CFAP44: variants seen among roughly 807,000 people sequenced by gnomAD.
CFAP44 encodes cilia and flagella associated protein 44.
CFAP44 carries 134 observed loss-of-function variants against 216.2 expected under a neutral mutation model. The observed-to-expected ratio is 0.62, with a 90% confidence interval of 0.54 to 0.72. CFAP44 has a LOEUF of 0.72. Among genes scored for constraint, CFAP44 ranks in the 30% least tolerant of loss-of-function variants. The pLI, the probability that CFAP44 is intolerant of heterozygous loss-of-function variation, is 0.00. For missense variants in CFAP44, 2,035 were observed against 2,182.1 expected (o/e 0.93, Z 1.34); for synonymous variants, 700 against 727.6 (o/e 0.96, Z 0.61).
chr3:113,381,025 G>A lies in CFAP44; in HGVS notation c.1926C>T (p.Gly642=), dbSNP rs1401516779. Reference sequence around the variant, plus strand: ...TTGGAAGTGGAGCTTCAAGAATATAGCCATTTTCACAGATAATTAGTAAAG... The same window carrying A: ...TTGGAAGTGGAGCTTCAAGAATATAACCATTTTCACAGATAATTAGTAAAG... ...ESTLLIICEN[G]YILEAPLPTI... is the part of the protein sequence containing the mutation. Residue 642 remains glycine, a synonymous_variant, in exon 16 of 35, where the codon GGC becomes GGT. Transcript: ENST00000393845. The A allele has an allele frequency of 1.3e-6, 2 of 1,591,442 alleles. No homozygotes were observed. The highest frequency in any genetic ancestry group is 2.7e-5 in the African/African-American group (2 of 74,160).
chr3:113,303,274 A>G (rs1949955587), intron 32 of CFAP44, among the ~76,000 whole-genome samples: 2 of 152,224 alleles, frequency 1.3e-5, no homozygotes, highest in Non-Finnish European at 2.9e-5. Flanking sequence ...GATGTGTACA[A>G]GAAGGTTTCC....
chr3:113,418,311 T>A (rs1479188188), intron 5 of CFAP44, among the ~76,000 whole-genome samples: 1 of 152,124 alleles, frequency 6.6e-6, no homozygotes, highest in Non-Finnish European at 1.5e-5. Context: ...TGTCTTGAAC[T>A]CCTGGCCTCA....
At position 113,363,296 on chromosome 3, in the gene CFAP44, G is replaced by A. The variant is rs1950558791; in HGVS notation, c.2783C>T (p.Ala928Val). The A allele has an allele frequency of 6.2e-7, 1 of 1,605,188 alleles. No homozygotes were observed. The highest frequency in any genetic ancestry group is 1.3e-5 in the African/African-American group (1 of 74,318). ...EDPKAYSIEN[A>V]RRKREHDKLM... ...CTTGTCATGTTCTCTTTTTCTCCTA[G>A]CATTCTCGATACTGAAAACAGAAAT... The change falls in exon 21 of 35, where the codon GCT (alanine) becomes GTT (valine). Residue 928 changes from alanine to valine, a missense_variant. By Grantham distance (64) the Ala-to-Val change is moderately conservative (BLOSUM62 0). This residue lies in a region of CFAP44 where 1,883 missense variants were observed against 2,023.7 expected (regional missense o/e 0.93). Transcript: ENST00000393845.
intron 15 of CFAP44, among the ~76,000 whole-genome samples, chr3:113,393,944 G>A (rs1012121975): frequency 1.5e-4 from 23 of 152,250 alleles, no homozygotes; most frequent in Admixed American, 1.2e-3. Flanking sequence ...CATGCTTCTC[G>A]TATAGCCTGC....
chr3:113,398,039 A>C (rs1934037547), intron 13 of CFAP44, among the ~76,000 whole-genome samples: 1 of 152,192 alleles, frequency 6.6e-6, no homozygotes, highest in African/African-American at 2.4e-5. Flanking sequence ...CTCAGTGACC[A>C]TCAGTTATGA....
At chr3:113,318,136 T>G (rs917094885) in intron 28 of CFAP44, among the ~76,000 whole-genome samples, 1 of 152,154 alleles carries the variant, frequency 6.6e-6, no homozygotes, top group South Asian at 2.1e-4. Context: ...ATTCAGGAGA[T>G]AGTTGAAACC....
At chr3:113,412,046 C>T (rs953595308) in intron 6 of CFAP44, among the ~76,000 whole-genome samples, 4 of 152,174 alleles carry the variant, frequency 2.6e-5, no homozygotes, top group African/African-American at 9.7e-5. Flanking sequence ...GACAAACCCA[C>T]AGCCAATATC....
chr3:113,316,255 A>C (rs1358588360), intron 28 of CFAP44, among the ~76,000 whole-genome samples: 1 of 152,216 alleles, frequency 6.6e-6, no homozygotes, highest in Non-Finnish European at 1.5e-5. Flanking sequence ...CCAGAGTGAA[A>C]ATTAAAAATC....
At chr3:113,364,506 A>G (rs1950570127) in intron 19 of CFAP44, among the ~76,000 whole-genome samples, 2 of 152,184 alleles carry the variant, frequency 1.3e-5, no homozygotes, top group African/African-American at 2.4e-5. Flanking sequence ...CTGACTATTA[A>G]TCACTTAGGA....
intron 9 of CFAP44, among the ~76,000 whole-genome samples, chr3:113,402,157 T>C (rs1183140578): frequency 3.3e-5 from 5 of 152,242 alleles, no homozygotes; most frequent in Admixed American, 2.0e-4. Flanking sequence ...TATACCTTCT[T>C]GCTTAATGAC....
At chr3:113,388,153 C>A (rs999425066) in intron 15 of CFAP44, among the ~76,000 whole-genome samples, 22 of 152,126 alleles carry the variant, frequency 1.4e-4, no homozygotes, top group African/African-American at 4.8e-4. Flanking sequence ...GGCTTCACCA[C>A]CTGCTGACTG....
chr3:113,372,157 G>T (rs993232625), intron 18 of CFAP44, among the ~76,000 whole-genome samples: 2 of 152,186 alleles, frequency 1.3e-5, no homozygotes, highest in African/African-American at 2.4e-5. Flanking sequence ...CAACCATTGT[G>T]GAAGACAGTG....
At chr3:113,430,020 A>G (rs1028911178) in intron 2 of CFAP44, among the ~76,000 whole-genome samples, 2 of 152,138 alleles carry the variant, frequency 1.3e-5, no homozygotes, top group Admixed American at 1.3e-4. Flanking sequence ...AATACAGGAT[A>G]CACATTCAAG....
chr3:113,426,585 G>T, intron 3 of CFAP44: 1 of 265,248 alleles, frequency 3.8e-6, no homozygotes, highest in Non-Finnish European at 7.3e-6. Context: ...GGCCTCCCCA[G>T]CCATGCAGAA....
rs1289230238 is a variant in CFAP44 at position 113,308,218 on chromosome 3, T to C, written c.4567A>G (p.Ser1523Gly). 1 of 1,536,518 alleles carries C rather than the reference T, an allele frequency of 6.5e-7. No homozygotes were observed. Among genetic ancestry groups the C allele is most frequent in the Non-Finnish European group, 8.7e-7 (1 of 1,146,744 alleles). The change falls in exon 29 of 35, where the codon AGT becomes GGT. Residue 1523 changes from serine to glycine, a missense_variant. By Grantham distance (56) the Ser-to-Gly change is moderately conservative. Transcript: ENST00000393845. ...ESSEEESSLE[S>G]DEDESESEDE... ...TCTGATTCAGACTCATCTTCATCAC[T>C]CTCCAAGCTAGATTCTTCTTCACTT...
At chr3:113,421,955 C>T (rs895962104) in intron 4 of CFAP44, among the ~76,000 whole-genome samples, 10 of 152,080 alleles carry the variant, frequency 6.6e-5, no homozygotes, top group African/African-American at 1.9e-4. Flanking sequence ...ATCCTTAAAA[C>T]AAACCTGCAT....
Position 113,433,626 on chromosome 3 carries a change from T to C in CFAP44, c.39A>G (p.Lys13=). The C allele has an allele frequency of 6.2e-7, 1 of 1,613,464 alleles. No homozygotes were observed. Among genetic ancestry groups the C allele is most frequent in the Non-Finnish European group, 8.5e-7 (1 of 1,179,902 alleles). ...EPDDQDTDGE[K]SVTSKSDGKK... ...TCCCATCACTCTTTGATGTAACTGATTTCTCCCCATCAGTATCCTGATCAT... is the reference window on the plus strand; with the variant it reads ...TCCCATCACTCTTTGATGTAACTGACTTCTCCCCATCAGTATCCTGATCAT... Residue 13 remains lysine, a synonymous_variant, in exon 2 of 35, where the codon AAA becomes AAG. Coordinates refer to ENST00000393845, the MANE Select transcript of CFAP44 (RefSeq NM_001164496.2).
chr3:113,324,042 C>CAAAAAAAAAAAA lies in CFAP44; in HGVS notation c.4516+2391_4516+2402dup, dbSNP rs200919084. On this transcript the variant is annotated intron_variant, in intron 28 of 34. Transcript: ENST00000393845. ...CTGGTGACAGAGCAAGACTCCGTCT[C>CAAAAAAAAAAAA]AAAAAAAAAAAAAAAAAGAGAGAAA... 2.0e-3 allele frequency among the ~76,000 whole-genome samples: 142 copies of CAAAAAAAAAAAA among 71,798 alleles called. 3 individuals carry two copies. Among genetic ancestry groups the CAAAAAAAAAAAA allele is most frequent in the East Asian group, 6.9e-3 (16 of 2,322 alleles). The allele number at this position is 71,798 out of a possible 152,430, so 47.1% of individuals were successfully genotyped here.
At chr3:113,321,992 T>C (rs1389026048) in intron 28 of CFAP44, among the ~76,000 whole-genome samples, 2 of 152,112 alleles carry the variant, frequency 1.3e-5, no homozygotes, top group African/African-American at 4.8e-5. Context: ...CAACATCAGT[T>C]TTCACACAAC....
Sources: allele counts gnomAD v4.1 joint callset (sites outside exome capture counted in the v4.1 genomes callset), GRCh38; gene constraint gnomAD v4.1.1; regional missense constraint gnomAD v4.1.1; transcripts MANE v1.5; gene names NCBI Gene and HGNC (gene_info 2026-07-23, HGNC 2026-07-21).